The following CRPPA variants were observed in gnomAD, a reference collection of about 807,000 sequenced individuals.
CRPPA encodes the protein D-ribitol-5-phosphate cytidylyltransferase.
Under a neutral mutation model 52.0 loss-of-function variants are expected in CRPPA, and 43 were observed. That is an observed-to-expected ratio of 0.83 (90% confidence interval 0.65 to 1.07). The LOEUF is 1.07. Among genes scored for constraint, CRPPA ranks in the 50% least tolerant of loss-of-function variants. The pLI is 0.00. For missense variants in CRPPA, 629 were observed against 551.7 expected, an observed-to-expected ratio of 1.14 and a Z score of -1.40; for synonymous variants, 250 against 203.5, an observed-to-expected ratio of 1.23 and a Z score of -1.94.
intron 5 of CRPPA, 62 bp from the exon 6 acceptor site, chr7:16,278,288 C>A: frequency 1.2e-6 from 1 of 815,992 alleles, no homozygotes; most frequent in Admixed American, 2.7e-5. Context: ...CCCTAGGATG[C>A]TGAAACATAA....
At chr7:16,144,743 G>A (rs765435834) in intron 9 of CRPPA, among the ~76,000 whole-genome samples, 14 of 152,170 alleles carry the variant, frequency 9.2e-5, no homozygotes, top group Non-Finnish European at 1.3e-4. Context: ...AAATGCGAGC[G>A]GGGCTGGCTG....
At chr7:16,359,614 T>C (rs796800966) in intron 3 of CRPPA, among the ~76,000 whole-genome samples, 7 of 152,316 alleles carry the variant, frequency 4.6e-5, no homozygotes, top group African/African-American at 1.4e-4. Flanking sequence ...TTCTTAAAGA[T>C]TACGATATGC....
At chr7:16,360,175 T>C (rs1039761214) in intron 3 of CRPPA, among the ~76,000 whole-genome samples, 14 of 152,242 alleles carry the variant, frequency 9.2e-5, no homozygotes, top group African/African-American at 3.4e-4. Context: ...GTAGTATTGA[T>C]CTCTAAGGAT....
intron 8 of CRPPA, among the ~76,000 whole-genome samples, chr7:16,258,120 C>T (rs965694344): frequency 6.6e-6 from 1 of 151,992 alleles, no homozygotes; most frequent in South Asian, 2.1e-4. Context: ...AAACCGAATA[C>T]TTTGCCATTT....
chr7:16,376,359 G>A (rs1786885759), intron 2 of CRPPA, 118 bp from the exon 3 acceptor site: 1 of 991,760 alleles, frequency 1.0e-6, no homozygotes, highest in Non-Finnish European at 1.4e-6. Context: ...GCTACCTTAA[G>A]AAAACATCTG....
intron 8 of CRPPA, among the ~76,000 whole-genome samples, chr7:16,243,624 T>C (rs777173319): frequency 2.0e-5 from 3 of 152,148 alleles, no homozygotes; most frequent in Non-Finnish European, 4.4e-5. Flanking sequence ...GGATTAATAA[T>C]GAATATTTTT....
rs1787955394 is a variant in CRPPA at position 16,406,352 on chromosome 7, T to C, written c.258-15A>G. The C allele has an allele frequency of 1.3e-6, 2 of 1,598,578 alleles. No individual in the cohort carries two copies. The highest frequency in any genetic ancestry group is 2.7e-5 in the African/African-American group (2 of 74,574). On this transcript the variant is annotated splice_polypyrimidine_tract_variant and intron_variant, in intron 1 of 9. Coordinates refer to ENST00000407010, the MANE Select transcript of CRPPA (RefSeq NM_001101426.4). Reference sequence around the variant, plus strand: ...TCCAACATACTCTAAAAGGAAAGTATATGTACAATTCGTAAATTAATTCTT... The same window carrying C: ...TCCAACATACTCTAAAAGGAAAGTACATGTACAATTCGTAAATTAATTCTT...
At chr7:16,259,383 C>T (rs1170581227) in intron 6 of CRPPA, among the ~76,000 whole-genome samples, 1 of 151,864 alleles carries the variant, frequency 6.6e-6, no homozygotes, top group Non-Finnish European at 1.5e-5. Context: ...TCTGGAAGCA[C>T]ATAACACAGT....
chr7:16,102,116 C>A (rs1007053968), intron 9 of CRPPA, among the ~76,000 whole-genome samples: 1 of 152,072 alleles, frequency 6.6e-6, no homozygotes, highest in Non-Finnish European at 1.5e-5. Context: ...GATATATAGA[C>A]CAATGGAACA....
intron 3 of CRPPA, among the ~76,000 whole-genome samples, chr7:16,336,024 T>C (rs1583528819): frequency 6.6e-6 from 1 of 152,290 alleles, no homozygotes; most frequent in East Asian, 1.9e-4. Flanking sequence ...AAAGTTGTCC[T>C]TCTGAACTGA....
At chr7:16,214,750 G>T (rs763583687) in intron 9 of CRPPA, among the ~76,000 whole-genome samples, 1 of 151,992 alleles carries the variant, frequency 6.6e-6, no homozygotes, top group Non-Finnish European at 1.5e-5. Context: ...CAAGTGATCC[G>T]CCCGCCCATC....
At chr7:16,194,071 C>CA (rs1781673840) in intron 9 of CRPPA, among the ~76,000 whole-genome samples, 1 of 151,696 alleles carries the variant, frequency 6.6e-6, no homozygotes, top group Non-Finnish European at 1.5e-5. Context: ...TTACCTAAGA[C>CA]AAAAAAAATT....
intron 1 of CRPPA, among the ~76,000 whole-genome samples, chr7:16,413,687 T>G (rs745344286): frequency 6.6e-6 from 1 of 152,222 alleles, no homozygotes; most frequent in Non-Finnish European, 1.5e-5. Flanking sequence ...GGACAGCATA[T>G]GTAAAAGTAC....
At chr7:16,219,904 A>T (rs1282382621) in intron 8 of CRPPA, among the ~76,000 whole-genome samples, 1 of 149,150 alleles carries the variant, frequency 6.7e-6, no homozygotes, top group Non-Finnish European at 1.5e-5. Flanking sequence ...AACTATTCCA[A>T]TCAACAGAAA....
intron 2 of CRPPA, among the ~76,000 whole-genome samples, chr7:16,389,410 G>A (rs1253075163): frequency 2.0e-5 from 3 of 152,010 alleles, no homozygotes; most frequent in African/African-American, 7.2e-5. Flanking sequence ...TATACACCAT[G>A]ACCAAGTGGG....
intron 1 of CRPPA, among the ~76,000 whole-genome samples, chr7:16,416,362 A>C (rs1436706941): frequency 6.6e-6 from 1 of 152,188 alleles, no homozygotes; most frequent in East Asian, 1.9e-4. Context: ...ATACACAAAA[A>C]TTAACTCAAG....
chr7:16,291,005 G>A (rs932097608), intron 5 of CRPPA, among the ~76,000 whole-genome samples: 7 of 151,856 alleles, frequency 4.6e-5, no homozygotes, highest in African/African-American at 7.2e-5. Flanking sequence ...ACACACAAAC[G>A]GCCAACAGGT....
chr7:16,415,348 T>C (rs115297233), intron 1 of CRPPA, among the ~76,000 whole-genome samples: 3 of 152,172 alleles, frequency 2.0e-5, no homozygotes, highest in African/African-American at 7.2e-5. Context: ...GTCATCTATC[T>C]CAGGCACTAA....
chr7:16,404,952 T>G (rs1787916362), intron 2 of CRPPA, among the ~76,000 whole-genome samples: 1 of 152,220 alleles, frequency 6.6e-6, no homozygotes, highest in South Asian at 2.1e-4. Context: ...ATATTTCATT[T>G]GGTCTATGAA....
Sources: gnomAD v4.1 joint callset for allele counts (sites outside exome capture counted in the v4.1 genomes callset) on GRCh38, gnomAD v4.1.1 for gene constraint, MANE v1.5 for transcripts, NCBI Gene and HGNC (gene_info 2026-07-23, HGNC 2026-07-21) for gene names.